The following PDGFD variants were observed in gnomAD, a reference collection of about 807,000 sequenced individuals.
PDGFD encodes platelet-derived growth factor D.
A neutral mutation model predicts 44.7 loss-of-function variants in PDGFD; 30 were observed. That is an observed-to-expected ratio of 0.67 (90% confidence interval 0.50 to 0.91). The LOEUF (loss-of-function observed/expected upper bound fraction) is 0.91, where lower values mean the gene tolerates loss of function less well. PDGFD is among the 40% of genes least tolerant of loss of function. The pLI, the probability that PDGFD is intolerant of heterozygous loss-of-function variation, is 0.00. For synonymous variants in PDGFD, 173 were observed against 168.4 expected (o/e 1.03, Z -0.21); for missense variants, 445 against 457.8 (o/e 0.97, Z 0.25).
intron 6 of PDGFD, among the ~76,000 whole-genome samples, chr11:103,911,543 A>G (rs897263353): frequency 6.6e-6 from 1 of 152,136 alleles, no homozygotes; most frequent in East Asian, 1.9e-4. Context: ...GAAACACTGA[A>G]AATTCCAAAA....
chr11:104,036,712 T>C, intron 1 of PDGFD: 2 of 825,848 alleles, frequency 2.4e-6, no homozygotes, highest in South Asian at 1.6e-5. Context: ...GCCCGGACGG[T>C]CCCTACCTAC....
At chr11:104,073,910 T>C (rs1253248756) in intron 1 of PDGFD, among the ~76,000 whole-genome samples, 1 of 152,216 alleles carries the variant, frequency 6.6e-6, no homozygotes, top group Non-Finnish European at 1.5e-5. Context: ...AAATTAGAAC[T>C]AGTACTTGGT....
chr11:103,999,654 G>A (rs1011747194), intron 2 of PDGFD, among the ~76,000 whole-genome samples: 15 of 152,172 alleles, frequency 9.9e-5, no homozygotes, highest in African/African-American at 2.9e-4. Context: ...CTGGGTCAGC[G>A]GGAGCCGGGC....
At chr11:104,029,821 G>A (rs1172505071) in intron 1 of PDGFD, among the ~76,000 whole-genome samples, 1 of 152,194 alleles carries the variant, frequency 6.6e-6, no homozygotes, top group Non-Finnish European at 1.5e-5. Context: ...AACATGAAAA[G>A]TGGTCATTTT....
chr11:103,956,459 CACATAAGGACATTTGG>C (rs1565294739), intron 3 of PDGFD, among the ~76,000 whole-genome samples: 9 of 102,646 alleles, frequency 8.8e-5, no homozygotes, highest in African/African-American at 2.4e-4. Flanking sequence ...TCCAGTCTAT[CACATAAGGACATTTGG>C]GTTGGTTCCA....
chr11:104,028,640 C>G (rs371788322), intron 1 of PDGFD, among the ~76,000 whole-genome samples: 20 of 149,932 alleles, frequency 1.3e-4, no homozygotes, highest in African/African-American at 4.7e-4. Flanking sequence ...CCTTGGAACA[C>G]TGGGTTTCTT....
intron 1 of PDGFD, among the ~76,000 whole-genome samples, chr11:104,108,819 A>T (rs1376266936): frequency 1.3e-5 from 2 of 152,200 alleles, no homozygotes; most frequent in African/African-American, 4.8e-5. Context: ...CATCGACGAT[A>T]GACTGGATTA....
At chr11:103,948,995 CTTTTTTT>C (rs10606695) in intron 3 of PDGFD, among the ~76,000 whole-genome samples, 2 of 77,048 alleles carry the variant, frequency 2.6e-5, no homozygotes, top group East Asian at 8.3e-4. Flanking sequence ...ATTTTAGTCA[CTTTTTTT>C]TTTTTTTTTT....
intron 1 of PDGFD, among the ~76,000 whole-genome samples, chr11:104,152,902 T>C (rs1392371244): frequency 6.6e-6 from 1 of 152,152 alleles, no homozygotes; most frequent in Non-Finnish European, 1.5e-5. Context: ...TATCAGACAT[T>C]ATCATGCACC....
chr11:103,998,428 C>A (rs1392360580), intron 2 of PDGFD, among the ~76,000 whole-genome samples: 1 of 152,130 alleles, frequency 6.6e-6, no homozygotes, highest in Admixed American at 6.5e-5. Context: ...ATTAATCGTG[C>A]CTTCACAATG....
Position 103,921,738 on chromosome 11 carries a change from T to C in PDGFD, c.987+5174A>G, listed in dbSNP as rs542884067. Among the ~76,000 whole-genome samples, 31 of 151,642 alleles carry C rather than the reference T, an allele frequency of 2.0e-4. 1 individual carries two copies. The East Asian group carries it at 4.7e-3, about 23-fold the overall frequency. On this transcript the variant is annotated intron_variant, in intron 6 of 6. Transcript: ENST00000393158. The stretch of plus-strand genomic sequence containing the variant: ...AATTCTACCTTAGAACAAGAAGAAG[T>C]CATTTTTTTTTCATTTTGTCTAGAT...
intron 3 of PDGFD, among the ~76,000 whole-genome samples, chr11:103,953,045 A>G (rs544243858): frequency 9.8e-5 from 15 of 152,324 alleles, no homozygotes; most frequent in African/African-American, 3.1e-4. Context: ...GAAAACACAG[A>G]TAAATATTTA....
rs1237310277 is a variant in PDGFD at position 104,139,766 on chromosome 11, G to A, written c.124+24038C>T. 9.6e-5 allele frequency among the ~76,000 whole-genome samples: 8 copies of A among 83,392 alleles called. 3 individuals carry two copies. The highest frequency in any genetic ancestry group is 1.2e-4 in the Non-Finnish European group (5 of 43,394). 54.7% of individuals were successfully genotyped at this position (83,392 alleles called of 152,430 possible). On this transcript the variant is annotated intron_variant, in intron 1 of 6. Transcript: ENST00000393158. ...GTCTTAATAAATAACGGCCGGGCGCGGTGGCTCACGCCTGTAATCCCAGCA... is the reference window on the plus strand; with the variant it reads ...GTCTTAATAAATAACGGCCGGGCGCAGTGGCTCACGCCTGTAATCCCAGCA...
chr11:103,992,629 T>C (rs1360885805), intron 3 of PDGFD, among the ~76,000 whole-genome samples: 2 of 152,314 alleles, frequency 1.3e-5, no homozygotes, highest in Admixed American at 6.5e-5. Flanking sequence ...ATGCCCTGGG[T>C]GGGCACTGTG....
intron 1 of PDGFD, among the ~76,000 whole-genome samples, chr11:104,120,788 A>G (rs1231581821): frequency 6.6e-6 from 1 of 151,676 alleles, no homozygotes; most frequent in East Asian, 1.9e-4. Context: ...GGAGCCAACT[A>G]TTGTGATTTT....
At chr11:104,049,542 T>C (rs1354137797) in intron 1 of PDGFD, among the ~76,000 whole-genome samples, 7 of 152,078 alleles carry the variant, frequency 4.6e-5, no homozygotes, top group Admixed American at 4.6e-4. Flanking sequence ...TTTAAGCTTT[T>C]TTTTGTTTTG....
intron 1 of PDGFD, among the ~76,000 whole-genome samples, chr11:104,027,023 G>C (rs1860051658): frequency 6.6e-6 from 1 of 152,102 alleles, no homozygotes; most frequent in Admixed American, 6.5e-5. Context: ...TGTTGTGTCT[G>C]CTTAACAATT....
chr11:103,970,316 C>T (rs1242220606), intron 3 of PDGFD, among the ~76,000 whole-genome samples: 1 of 152,196 alleles, frequency 6.6e-6, no homozygotes, highest in African/African-American at 2.4e-5. Context: ...GTTGCCATGA[C>T]TTCTTTGTTA....
intron 3 of PDGFD, among the ~76,000 whole-genome samples, chr11:103,957,389 A>G (rs927541016): frequency 3.3e-5 from 5 of 152,198 alleles, no homozygotes; most frequent in Non-Finnish European, 5.9e-5. Flanking sequence ...GTGGAATCAA[A>G]AAAGAGCCCG....
Sources: allele counts gnomAD v4.1 joint callset (sites outside exome capture counted in the v4.1 genomes callset), GRCh38; gene constraint gnomAD v4.1.1; transcripts MANE v1.5; gene names NCBI Gene and HGNC (gene_info 2026-07-23, HGNC 2026-07-21).